The following PKD1 variants were observed in gnomAD, a reference collection of about 807,000 sequenced individuals.
PKD1 encodes polycystin-1.
Under a neutral mutation model 361.7 loss-of-function variants are expected in PKD1, and 81 were observed. The observed-to-expected ratio is 0.22, with a 90% CI of 0.19 to 0.27. PKD1 has a LOEUF of 0.27. Ranked by LOEUF, PKD1 falls within the 10% of genes least tolerant of loss-of-function variation. PKD1 has a pLI of 1.00. For synonymous variants in PKD1, 3,615 were observed against 2,818.3 expected (o/e 1.28, Z -8.95); for missense variants, 6,399 against 6,118.3 (o/e 1.05, Z -1.53).
chr16:2,111,878 G>C lies in PKD1; in HGVS notation c.3296-7C>G. The C allele has an allele frequency of 1.2e-6, 2 of 1,610,048 alleles. No individual in the cohort carries two copies. Among genetic ancestry groups the C allele is most frequent in the Non-Finnish European group, 1.7e-6 (2 of 1,179,462 alleles). On this transcript the variant is annotated splice_polypyrimidine_tract_variant and splice_region_variant and intron_variant, in intron 14 of 45. Coordinates refer to ENST00000262304, the MANE Select transcript of PKD1 (RefSeq NM_001009944.3). Reference sequence around the variant, plus strand: ...ACGGTCAGGAGGTACTCACCTGTGGGGACAGGCCCGAGTGGGGCAGCCGCG... The same window carrying C: ...ACGGTCAGGAGGTACTCACCTGTGGCGACAGGCCCGAGTGGGGCAGCCGCG...
Position 2,090,512 on chromosome 16 carries a change from T to C in PKD1, c.12217A>G (p.Thr4073Ala). Residue 4073 changes from threonine (T) to alanine (A), a missense_variant, in exon 45 of 46, where the codon ACC becomes GCC. Physicochemically the swap from Thr to Ala is moderately conservative, Grantham distance 58. Transcript: ENST00000262304. ...TGCCAGGACTCGGCAGGACACAGGG[T>C]AGAGAGCCCAGTCCCAGGGCACAGC... ...LVLCPGTGLS[T>A]LCPAESWHLS... is the part of the protein sequence containing the mutation. The C allele has an allele frequency of 2.5e-6, 4 of 1,610,774 alleles. No homozygotes were observed. Among genetic ancestry groups the C allele is most frequent in the Non-Finnish European group, 3.4e-6 (4 of 1,179,392 alleles).
rs1214804935 is a variant in PKD1 at position 2,112,445 on chromosome 16, G to A, written c.3190C>T (p.Leu1064Phe). 1 of 1,587,476 alleles carries A rather than the reference G, an allele frequency of 6.3e-7. No homozygotes were observed. Among genetic ancestry groups the A allele is most frequent in the African/African-American group, 1.3e-5 (1 of 74,638 alleles). ...LWTFGDGEQA[L>F]HQFQPPYNES... ...TTGTACGGAGGCTGGAACTGGTGGAGGGCCTGCTCCCCATCCCCAAAGGTC... is the reference window on the plus strand; with the variant it reads ...TTGTACGGAGGCTGGAACTGGTGGAAGGCCTGCTCCCCATCCCCAAAGGTC... Residue 1064 changes from leucine to phenylalanine, a missense_variant, in exon 14 of 46, where the codon CTC (leucine) becomes TTC (phenylalanine). Transcript: ENST00000262304.
Position 2,111,869 on chromosome 16 carries a change from C to T in PKD1, c.3298G>A (p.Glu1100Lys). The change falls in exon 15 of 46, where the codon GAG becomes AAG. Residue 1100 changes from glutamate to lysine, a missense_variant and splice_region_variant. Coordinates refer to ENST00000262304, the MANE Select transcript of PKD1 (RefSeq NM_001009944.3). ...GATGCCAGCACGGTCAGGAGGTACT[C>T]ACCTGTGGGGACAGGCCCGAGTGGG... ...NVMHTYAAPG[E>K]YLLTVLASNA... 1 of 1,610,210 alleles carries T rather than the reference C, an allele frequency of 6.2e-7. No homozygotes were observed. The highest frequency in any genetic ancestry group is 1.1e-5 in the South Asian group (1 of 90,968).
At chr16:2,093,495 G>C in intron 37 of PKD1, 49 bp downstream of exon 37, 1 of 1,522,664 alleles carries the variant, frequency 6.6e-7, no homozygotes, top group Non-Finnish European at 8.9e-7. Flanking sequence ...GTGGGAGGTG[G>C]GAGACAAGAG....
In PKD1 at chr16:2,103,319, C is replaced by T. The variant is rs972771096; in HGVS notation, c.8738G>A (p.Ser2913Asn). The T allele has an allele frequency of 8.1e-6, 13 of 1,607,836 alleles. No homozygotes were observed. The highest frequency in any genetic ancestry group is 1.1e-5 in the Non-Finnish European group (13 of 1,179,608). ...ATGCAGCCCGGCCGCAGGGTTGCTG[C>T]TGTCCAGGGTGACCACAGCACCGAC... is the stretch of plus-strand genomic sequence containing the variant. ...ASVGAVVTLD[S>N]SNPAAGLHLQ... The change falls in exon 23 of 46, where the codon AGC (serine) becomes AAC (asparagine). Residue 2913 changes from serine (S) to asparagine (N), a missense_variant. Ser to Asn is a conservative substitution (Grantham distance 46, BLOSUM62 1). Transcript: ENST00000262304.
In PKD1 at chr16:2,135,583, G is replaced by T. The variant is rs560049593; in HGVS notation, c.107C>A (p.Pro36His). Residue 36 changes from proline to histidine, a missense_variant, in exon 1 of 46, where the codon CCC becomes CAC. Pro to His is a moderately conservative substitution (Grantham distance 77). Coordinates refer to ENST00000262304, the MANE Select transcript of PKD1 (RefSeq NM_001009944.3). ...GCCGGGCGCTGGGCCGCAGAGGCAG[G>T]GGGGCTCGCAGGGCCCGCAGCCGCG... ...PGRGCGPCEP[P>H]CLCGPAPGAA... The T allele has an allele frequency of 0.022, 23,399 of 1,068,452 alleles. 292 individuals are homozygous for T. The highest frequency in any genetic ancestry group is 0.024 in the Non-Finnish European group (21,227 of 885,088). The allele number at this position is 1,068,452 out of a possible 1,614,324, so 66.2% of individuals were successfully genotyped here. A position where few individuals can be genotyped will look rare whatever the true frequency, so the allele number is the denominator to read the frequency against.
At chr16:2,107,038 C>T in intron 16 of PKD1, 90 bp from the exon 17 acceptor site, 1 of 1,237,190 alleles carries the variant, frequency 8.1e-7, no homozygotes, top group Non-Finnish European at 1.2e-6. Context: ...CTCCCAAACT[C>T]CAGGTTTCCC....
At position 2,089,660 on chromosome 16, in the gene PKD1, G is replaced by C; in HGVS notation, c.*67C>G. The stretch of plus-strand genomic sequence containing the variant: ...TTCTGCCTGGCCCTCGGCCTTGACA[G>C]CGGCAGAAAGTAATACTGAGCGGTG... On this transcript the variant is annotated 3_prime_UTR_variant, in exon 46 of 46. Transcript: ENST00000262304. 6.5e-7 allele frequency: 1 copy of C among 1,531,042 alleles called. No homozygotes were observed. The highest frequency in any genetic ancestry group is 2.0e-5 in the Admixed American group (1 of 50,848). 94.8% of individuals were successfully genotyped at this position (1,531,042 alleles called of 1,614,324 possible). A position where few individuals can be genotyped will look rare whatever the true frequency, so the allele number is the denominator to read the frequency against.
rs377227184 is a variant in PKD1 at position 2,102,514 on chromosome 16, A to G, written c.9068T>C (p.Met3023Thr). ...CAGCAGCCCCTCTGTCCGCCACACC[A>G]TGTCCTCCTCGCTGAAGTACTGGCA... ...SLCQYFSEED[M>T]VWRTEGLLPL... Residue 3023 changes from methionine to threonine, a missense_variant, in exon 25 of 46, where the codon ATG becomes ACG. Coordinates refer to ENST00000262304, the MANE Select transcript of PKD1 (RefSeq NM_001009944.3). 7 of 1,602,012 alleles carry G rather than the reference A, an allele frequency of 4.4e-6. No homozygotes were observed. Among genetic ancestry groups the G allele is most frequent in the Non-Finnish European group, 8.5e-7 (1 of 1,175,908 alleles).
At position 2,092,116 on chromosome 16, in the gene PKD1, T is replaced by C; in HGVS notation, c.11342A>G (p.Tyr3781Cys). Residue 3781 changes from tyrosine (Y) to cysteine (C), a missense_variant, in exon 40 of 46, where the codon TAC becomes TGC. Coordinates refer to ENST00000262304, the MANE Select transcript of PKD1 (RefSeq NM_001009944.3). ...GTGAGGACTCTCCCAGCCAACGTCG[T>C]AATCGCTGGTGCTGAAGCCTCCTGC... ...SAAGGFSTSD[Y>C]DVGWESPHNG... 1 of 1,612,840 alleles carries C rather than the reference T, an allele frequency of 6.2e-7. No homozygotes were observed. Among genetic ancestry groups the C allele is most frequent in the Non-Finnish European group, 8.5e-7 (1 of 1,179,978 alleles).
intron 30 of PKD1, among the ~76,000 whole-genome samples, chr16:2,098,400 G>T (rs1300059660): frequency 5.3e-5 from 8 of 150,908 alleles, no homozygotes; most frequent in Non-Finnish European, 1.2e-4. Context: ...AGTAGAGACG[G>T]GGTTTCACTG....
intron 1 of PKD1, among the ~76,000 whole-genome samples, chr16:2,131,668 T>A (rs1429755427): frequency 6.7e-6 from 1 of 149,172 alleles, no homozygotes; most frequent in Admixed American, 6.7e-5. Flanking sequence ...AAAATATTTT[T>A]AAAAATTAGC....
chr16:2,101,624 A>G (rs1235835229), intron 26 of PKD1, among the ~76,000 whole-genome samples: 1 of 152,250 alleles, frequency 6.6e-6, no homozygotes, highest in Non-Finnish European at 1.5e-5. Flanking sequence ...TCTCTAAAAA[A>G]AGAAAAACGA....
At position 2,089,670 on chromosome 16, in the gene PKD1, G is replaced by A. The variant is rs982607400; in HGVS notation, c.*57C>T. The A allele has an allele frequency of 3.9e-6, 6 of 1,544,804 alleles. No individual in the cohort carries two copies. The highest frequency in any genetic ancestry group is 3.6e-5 in the South Asian group (3 of 83,886). On this transcript the variant is annotated 3_prime_UTR_variant, in exon 46 of 46. Coordinates refer to ENST00000262304, the MANE Select transcript of PKD1 (RefSeq NM_001009944.3). The stretch of plus-strand genomic sequence containing the variant: ...CCCTCGGCCTTGACAGCGGCAGAAA[G>A]TAATACTGAGCGGTGTCCACTCCGA...
rs1251469390 is a variant in PKD1, at chr16:2,091,451, G to C, written c.11684C>G (p.Ala3895Gly). 3 of 1,232,312 alleles carry C rather than the reference G, an allele frequency of 2.4e-6. No individual in the cohort carries two copies. The highest frequency in any genetic ancestry group is 3.0e-6 in the Non-Finnish European group (3 of 985,048). 76.3% of individuals were successfully genotyped at this position (1,232,312 alleles called of 1,614,324 possible). A position where few individuals can be genotyped will look rare whatever the true frequency, so the allele number is the denominator to read the frequency against. Residue 3895 changes from alanine to glycine, a missense_variant, in exon 42 of 46, where the codon GCG (alanine) becomes GGG (glycine). Physicochemically the swap from Ala to Gly is moderately conservative, Grantham distance 60 (BLOSUM62 0). Coordinates refer to ENST00000262304, the MANE Select transcript of PKD1 (RefSeq NM_001009944.3). Reference protein sequence around the residue: ...VRPFALRRLSAGLSLPLLTSV... With the variant: ...VRPFALRRLSGGLSLPLLTSV... Reference sequence around the variant, plus strand: ...GGTGAGCAGAGGCAGCGAGAGGCCCGCGCTGAGGCGGCGCAGCGCAAAGGG... The same window carrying C: ...GGTGAGCAGAGGCAGCGAGAGGCCCCCGCTGAGGCGGCGCAGCGCAAAGGG...
Position 2,109,184 on chromosome 16 carries a change from G to A in PKD1, c.5983C>T (p.Arg1995Cys), listed in dbSNP as rs757896001. 26 of 1,598,088 alleles carry A rather than the reference G, an allele frequency of 1.6e-5. No individual in the cohort carries two copies. The East Asian group carries it at 2.2e-4, about 14-fold the overall frequency. Residue 1995 changes from arginine (R) to cysteine (C), a missense_variant, in exon 15 of 46, where the codon CGC becomes TGC. Arg to Cys is a radical substitution (Grantham distance 180, BLOSUM62 -3). Transcript: ENST00000262304. ...GCGACCCGAGAGCCGCGCTGCACGC[G>A]GGCTGTGAAGTTCCTCTCAGTGCCC... ...ATGTERNFTA[R>C]VQRGSRVAYA...
In PKD1 at chr16:2,114,521, G is replaced by A. The variant is rs756217138; in HGVS notation, c.2502C>T (p.Gly834=). The A allele has an allele frequency of 3.8e-6, 6 of 1,594,226 alleles. No homozygotes were observed. Among genetic ancestry groups the A allele is most frequent in the Non-Finnish European group, 3.4e-6 (4 of 1,178,884 alleles). ...LRVIYPAPRD[G]RLYVPTNGSA... is the part of the protein sequence containing the mutation. ...AGCCGTTGGTGGGCACGTAGAGGCGGCCGTCGCGGGGGGCAGGGTAGATGA... is the reference window on the plus strand; with the variant it reads ...AGCCGTTGGTGGGCACGTAGAGGCGACCGTCGCGGGGGGCAGGGTAGATGA... Residue 834 remains glycine, a synonymous_variant, in exon 11 of 46, where the codon GGC becomes GGT. Coordinates refer to ENST00000262304, the MANE Select transcript of PKD1 (RefSeq NM_001009944.3).
At chr16:2,126,099 C>T (rs1052644402) in intron 1 of PKD1, among the ~76,000 whole-genome samples, 3 of 152,176 alleles carry the variant, frequency 2.0e-5, no homozygotes, top group Non-Finnish European at 4.4e-5. Context: ...GCGGGGCAGC[C>T]GGAATCCCAT....
chr16:2,115,962 C>A, intron 9 of PKD1, 30 bp downstream of exon 9: 1 of 1,291,292 alleles, frequency 7.7e-7, no homozygotes. Context: ...GCGGCGCCCA[C>A]CACCCACCAC....
Sources: allele counts gnomAD v4.1 joint callset (sites outside exome capture counted in the v4.1 genomes callset), GRCh38; gene constraint gnomAD v4.1.1; transcripts MANE v1.5; gene names NCBI Gene and HGNC (gene_info 2026-07-23, HGNC 2026-07-21).